The following CDH11 variants were observed in gnomAD, a reference collection of about 807,000 sequenced individuals.
The protein encoded by CDH11 is cadherin 11, also known as cadherin-11.
Under a neutral mutation model 67.8 loss-of-function variants are expected in CDH11, and 11 were observed. The ratio of observed to expected loss-of-function variants is 0.16; its 90% CI spans 0.10 to 0.27. The LOEUF (loss-of-function observed/expected upper bound fraction) is 0.27. Among genes scored for constraint, CDH11 ranks in the 10% least tolerant of loss-of-function variants. CDH11 has a pLI of 1.00. For missense variants in CDH11, 847 were observed against 1,031.2 expected, an observed-to-expected ratio of 0.82 and a Z score of 2.45; for synonymous variants, 419 against 400.0, an observed-to-expected ratio of 1.05 and a Z score of -0.57.
intron 2 of CDH11, among the ~76,000 whole-genome samples, chr16:65,033,573 C>T (rs1266093218): frequency 6.6e-6 from 1 of 151,902 alleles, no homozygotes; most frequent in Non-Finnish European, 1.5e-5. Flanking sequence ...CCCATCTCTA[C>T]TAAAAATACA....
chr16:64,980,987 C>G (rs2072320261), intron 8 of CDH11: 1 of 152,192 alleles, frequency 6.6e-6, no homozygotes, highest in African/African-American at 2.4e-5. Context: ...CCTTCTCCAC[C>G]TCCTTCTTAT....
chr16:65,115,506 C>T (rs1420396982), intron 1 of CDH11, among the ~76,000 whole-genome samples: 2 of 152,076 alleles, frequency 1.3e-5, no homozygotes, highest in South Asian at 2.1e-4. Flanking sequence ...CCAGCACACA[C>T]TGAAGGCTCA....
intron 1 of CDH11, among the ~76,000 whole-genome samples, chr16:65,100,750 AAAAG>A (rs1245392125): frequency 2.6e-5 from 4 of 151,614 alleles, no homozygotes; most frequent in Admixed American, 2.0e-4. Context: ...AAAAAAAAAA[AAAAG>A]AAAGAAAGAA....
intron 2 of CDH11, among the ~76,000 whole-genome samples, chr16:65,028,768 G>GAATATCCC (rs1276001555): frequency 6.6e-6 from 1 of 152,112 alleles, no homozygotes; most frequent in East Asian, 1.9e-4. Flanking sequence ...TCTTCCTACA[G>GAATATCCC]AATATCCCAC....
intron 2 of CDH11, among the ~76,000 whole-genome samples, chr16:65,052,907 C>G (rs2074081774): frequency 6.6e-6 from 1 of 152,050 alleles, no homozygotes; most frequent in African/African-American, 2.4e-5. Flanking sequence ...GAATTAACTG[C>G]TATTGGAGGT....
At chr16:65,016,765 A>G (rs2073318691) in intron 2 of CDH11, among the ~76,000 whole-genome samples, 1 of 152,224 alleles carries the variant, frequency 6.6e-6, no homozygotes. Context: ...AAGTAAATGA[A>G]TCAAACAGTG....
rs2075330348 is a variant in CDH11, at chr16:65,121,562, C to T, written c.-298+318G>A. On this transcript the variant is annotated intron_variant, in intron 1 of 12. Transcript: ENST00000268603. The surrounding 1 kb of genome is among the most constrained non-coding windows in gnomAD (Gnocchi z 4.1). ...CTGCTCTGCAGTCTCTTGCCCCAGC[C>T]AGGTACAAACCCCCTCTGCTGTGGC... Among the ~76,000 whole-genome samples the T allele has an allele frequency of 6.6e-6, 1 of 152,190 alleles. No individual in the cohort carries two copies.
At chr16:65,059,519 A>T (rs1291072275) in intron 1 of CDH11, 1 of 152,196 alleles carries the variant, frequency 6.6e-6, no homozygotes, top group Non-Finnish European at 1.5e-5. Context: ...ATTACTGCAC[A>T]ATACCTGACG....
chr16:65,006,469 C>G (rs1391568155), intron 2 of CDH11, among the ~76,000 whole-genome samples: 1 of 152,162 alleles, frequency 6.6e-6, no homozygotes, highest in Non-Finnish European at 1.5e-5. Flanking sequence ...CAGAATACCA[C>G]TTCCATATTT....
At chr16:65,034,923 C>T (rs778172222) in intron 2 of CDH11, among the ~76,000 whole-genome samples, 2 of 152,210 alleles carry the variant, frequency 1.3e-5, no homozygotes, top group Non-Finnish European at 2.9e-5. Context: ...CTGCTCCATC[C>T]CATCTCCTCA....
At chr16:65,091,713 G>A (rs553048153) in intron 1 of CDH11, among the ~76,000 whole-genome samples, 4 of 151,876 alleles carry the variant, frequency 2.6e-5, no homozygotes, top group East Asian at 1.9e-4. Context: ...CACCACGCCC[G>A]GCTAATTTTT....
At chr16:65,008,085 G>A (rs767806607) in intron 2 of CDH11, among the ~76,000 whole-genome samples, 1 of 152,094 alleles carries the variant, frequency 6.6e-6, no homozygotes, top group Non-Finnish European at 1.5e-5. Context: ...AGAAAGAAAG[G>A]GTTTAATTAA....
chr16:65,115,660 T>C (rs1246645102), intron 1 of CDH11, among the ~76,000 whole-genome samples: 1 of 125,442 alleles, frequency 8.0e-6, no homozygotes, highest in African/African-American at 3.3e-5. Context: ...ACATACTTTG[T>C]AAGTAATGGA....
At chr16:64,973,085 C>T (rs994864661) in intron 8 of CDH11, 45 bp from the exon 9 acceptor site, 2 of 1,580,592 alleles carry the variant, frequency 1.3e-6, no homozygotes, top group Non-Finnish European at 8.6e-7. Flanking sequence ...ACATTCAGAG[C>T]AGCTTAATAT....
chr16:64,986,196 T>TC (rs1369211675), intron 7 of CDH11: 1 of 152,110 alleles, frequency 6.6e-6, no homozygotes, highest in Non-Finnish European at 1.5e-5. Context: ...TTCTTTTTTT[T>TC]CCCCCGGTGG....
chr16:65,057,424 T>C (rs1490888532), intron 1 of CDH11, among the ~76,000 whole-genome samples: 1 of 152,142 alleles, frequency 6.6e-6, no homozygotes, highest in Non-Finnish European at 1.5e-5. Flanking sequence ...CTAAGCCTCT[T>C]AGGGGCTCAG....
rs182281077 is a variant in CDH11, at chr16:65,063,529, A to G, written c.-297-9601T>C. 7.9e-5 allele frequency among the ~76,000 whole-genome samples: 12 copies of G among 152,342 alleles called. No individual in the cohort carries two copies. The East Asian group carries it at 2.3e-3, about 29-fold the overall frequency. On this transcript the variant is annotated intron_variant, in intron 1 of 12. Coordinates refer to ENST00000268603, the MANE Select transcript of CDH11 (RefSeq NM_001797.4). ...TCATATTCTCTATCATATGGCTTCC[A>G]TCAAGAAAATGAGGCTGGATACCTA...
intron 1 of CDH11, among the ~76,000 whole-genome samples, chr16:65,083,667 A>G (rs1445438334): frequency 1.3e-5 from 2 of 152,236 alleles, no homozygotes; most frequent in Non-Finnish European, 2.9e-5. Flanking sequence ...GGGATGAGAG[A>G]ATTGGAATGT....
In CDH11 at chr16:65,111,846, T is replaced by C. The variant is rs544188338; in HGVS notation, c.-298+10034A>G. Among the ~76,000 whole-genome samples the C allele has an allele frequency of 8.6e-5, 13 of 151,756 alleles. No individual in the cohort carries two copies. The East Asian group carries it at 2.0e-3, about 23-fold the overall frequency. On this transcript the variant is annotated intron_variant, in intron 1 of 12. Transcript: ENST00000268603. ...CAGCACTTTGGGAGGCCAAGGCGGGTGGATCACAAGGTCAGGAGTTCAAGA... is the reference window on the plus strand; with the variant it reads ...CAGCACTTTGGGAGGCCAAGGCGGGCGGATCACAAGGTCAGGAGTTCAAGA...
Sources: allele counts gnomAD v4.1 joint callset (sites outside exome capture counted in the v4.1 genomes callset), GRCh38; gene constraint gnomAD v4.1.1; non-coding constraint Gnocchi (gnomAD v3.1); transcripts MANE v1.5; gene names NCBI Gene and HGNC (gene_info 2026-07-23, HGNC 2026-07-21).